KHDRBS2: variants seen among roughly 807,000 people sequenced by gnomAD.
The protein encoded by KHDRBS2 is KH RNA binding domain containing, signal transduction associated 2, also known as KH domain-containing, RNA-binding, signal transduction-associated protein 2.
A neutral mutation model predicts 44.3 loss-of-function variants in KHDRBS2; 26 were observed. The observed-to-expected ratio is 0.59, with a 90% CI of 0.43 to 0.81. The LOEUF (loss-of-function observed/expected upper bound fraction) is 0.81, where lower values mean the gene tolerates loss of function less well. KHDRBS2 is among the 40% of genes least tolerant of loss of function. The probability of loss-of-function intolerance (pLI) is 0.00; values close to 1 mark genes in which losing one functional copy is unlikely to be tolerated. For synonymous variants in KHDRBS2, 194 were observed against 151.1 expected (o/e 1.28, Z -2.08); for missense variants, 476 against 433.1 (o/e 1.10, Z -0.88).
intron 3 of KHDRBS2, among the ~76,000 whole-genome samples, chr6:62,039,715 G>C (rs1156790792): frequency 6.6e-6 from 1 of 151,964 alleles, no homozygotes; most frequent in Non-Finnish European, 1.5e-5. Context: ...TGTTGATCAA[G>C]ATAAATCTTC....
chr6:62,049,331 A>C (rs1325432296), intron 2 of KHDRBS2, among the ~76,000 whole-genome samples: 3 of 151,956 alleles, frequency 2.0e-5, no homozygotes, highest in Non-Finnish European at 2.9e-5. Context: ...ACAAAAAAAA[A>C]CTTTCATGAC....
the KHDRBS2 span, among the ~76,000 whole-genome samples, chr6:61,616,002 A>G: frequency 6.6e-6 from 1 of 152,196 alleles, no homozygotes; most frequent in Non-Finnish European, 1.5e-5. Context: ...TATAAATGAT[A>G]CCAGTCATTT....
the KHDRBS2 span, among the ~76,000 whole-genome samples, chr6:61,556,374 A>T: frequency 6.6e-6 from 1 of 152,336 alleles, no homozygotes; most frequent in East Asian, 1.9e-4. Flanking sequence ...CTCACCAAAA[A>T]ATCAATAAGA....
At chr6:62,025,080 A>G (rs1783046596) in intron 3 of KHDRBS2, among the ~76,000 whole-genome samples, 1 of 151,734 alleles carries the variant, frequency 6.6e-6, no homozygotes, top group African/African-American at 2.4e-5. Context: ...AGAAATCAGG[A>G]AAAATCACTC....
intron 6 of KHDRBS2, among the ~76,000 whole-genome samples, chr6:61,795,769 G>A (rs541447847): frequency 6.6e-6 from 1 of 152,266 alleles, no homozygotes; most frequent in East Asian, 1.9e-4. Context: ...TTGAGCAACA[G>A]ATAATATGCT....
chr6:62,082,056 T>C (rs56163097), intron 2 of KHDRBS2, among the ~76,000 whole-genome samples: 17,902 of 152,044 alleles, frequency 0.12, 1,366 homozygotes, highest in South Asian at 0.16. Context: ...AATAGTTGTA[T>C]GCCCAATGGG....
chr6:61,867,704 C>G (rs1562334659), intron 6 of KHDRBS2, among the ~76,000 whole-genome samples: 2 of 152,166 alleles, frequency 1.3e-5, no homozygotes, highest in Non-Finnish European at 2.9e-5. Context: ...TTCCATAGGG[C>G]TGCTGCCGTT....
At chr6:61,656,515 C>T in the KHDRBS2 span, among the ~76,000 whole-genome samples, 9 of 151,928 alleles carry the variant, frequency 5.9e-5, no homozygotes, top group Non-Finnish European at 1.0e-4. Flanking sequence ...ATTACAGAGA[C>T]GTATATTTAT....
At chr6:61,842,061 C>G (rs1167673050) in intron 6 of KHDRBS2, among the ~76,000 whole-genome samples, 1 of 152,104 alleles carries the variant, frequency 6.6e-6, no homozygotes, top group Non-Finnish European at 1.5e-5. Flanking sequence ...AGTAAATGCA[C>G]CTCACTCTAT....
chr6:62,250,866 C>G (rs73760337), intron 1 of KHDRBS2, among the ~76,000 whole-genome samples: 3,085 of 151,910 alleles, frequency 0.02, 54 homozygotes, highest in African/African-American at 0.041. Context: ...TCATCAAATA[C>G]AAAGACAAGT....
chr6:62,061,564 C>A (rs1791898146), intron 2 of KHDRBS2, among the ~76,000 whole-genome samples: 1 of 149,776 alleles, frequency 6.7e-6, no homozygotes, highest in African/African-American at 2.5e-5. Context: ...GATGGGCTTC[C>A]CTTTGAGGGT....
chr6:62,126,107 C>A (rs1470356821), intron 2 of KHDRBS2, among the ~76,000 whole-genome samples: 4 of 152,126 alleles, frequency 2.6e-5, no homozygotes, highest in African/African-American at 9.7e-5. Context: ...GCCAGCAGGG[C>A]ACCTACTGCC....
intron 6 of KHDRBS2, among the ~76,000 whole-genome samples, chr6:61,751,177 C>T (rs1160386150): frequency 1.3e-5 from 2 of 152,120 alleles, no homozygotes; most frequent in South Asian, 2.1e-4. Context: ...AACAGTGGCT[C>T]AATTTCTGAT....
chr6:61,818,045 C>A (rs145099195), intron 6 of KHDRBS2, among the ~76,000 whole-genome samples: 1,923 of 152,052 alleles, frequency 0.013, 24 homozygotes, highest in Non-Finnish European at 0.021. Context: ...AGGCTTGAAT[C>A]ACAGGGAAAA....
At chr6:61,903,229 A>G (rs903601560) in intron 4 of KHDRBS2, among the ~76,000 whole-genome samples, 1 of 152,184 alleles carries the variant, frequency 6.6e-6, no homozygotes, top group African/African-American at 2.4e-5. Context: ...CATTAATCCC[A>G]TAATTTTGCA....
intron 2 of KHDRBS2, among the ~76,000 whole-genome samples, chr6:62,051,837 T>C (rs1179704144): frequency 6.6e-6 from 1 of 151,890 alleles, no homozygotes; most frequent in Non-Finnish European, 1.5e-5. Context: ...AATAGACACT[T>C]ATAAAAAGAA....
At chr6:61,863,824 T>C (rs1294359518) in intron 6 of KHDRBS2, among the ~76,000 whole-genome samples, 1 of 152,196 alleles carries the variant, frequency 6.6e-6, no homozygotes, top group Non-Finnish European at 1.5e-5. Flanking sequence ...TGAGTTCAGG[T>C]CCTGAATATC....
At chr6:61,569,500 C>A in the KHDRBS2 span, among the ~76,000 whole-genome samples, 465 of 152,316 alleles carry the variant, frequency 3.1e-3, 3 homozygotes, top group Non-Finnish European at 5.0e-3. Flanking sequence ...TATAGCAACT[C>A]ATGACAGACT....
At chr6:62,051,893 A>G (rs1363668917) in intron 2 of KHDRBS2, among the ~76,000 whole-genome samples, 1 of 152,064 alleles carries the variant, frequency 6.6e-6, no homozygotes, top group Admixed American at 6.6e-5. Context: ...AACATCATTA[A>G]TCATCAAGAA....
Sources: allele counts gnomAD v4.1 joint callset (sites outside exome capture counted in the v4.1 genomes callset), GRCh38; gene constraint gnomAD v4.1.1; transcripts MANE v1.5; gene names NCBI Gene and HGNC (gene_info 2026-07-23, HGNC 2026-07-21).